The following KDM4C variants were observed in gnomAD, a reference collection of about 807,000 sequenced individuals.
KDM4C encodes the protein lysine demethylase 4C, also known as lysine-specific demethylase 4C.
In KDM4C, 81 loss-of-function variants were observed where a neutral mutation model predicts 129.3. The ratio of observed to expected loss-of-function variants is 0.63; its 90% CI spans 0.52 to 0.75. KDM4C has a LOEUF of 0.75. KDM4C is among the 30% of genes least tolerant of loss of function. The pLI is 0.00. For missense variants in KDM4C, 1,457 were observed against 1,304.0 expected (o/e 1.12, Z -1.81); for synonymous variants, 573 against 456.1 (o/e 1.26, Z -3.26).
Position 7,023,467 on chromosome 9 carries a change from G to A in KDM4C, c.2259+7538G>A, listed in dbSNP as rs796708787. ...GCTACTAGTGATCCTTTGAATTTCT[G>A]TAATATCAGCTATAATGTCTCCTTT... On this transcript the variant is annotated intron_variant, in intron 15 of 21. Transcript: ENST00000381309. Among the ~76,000 whole-genome samples the A allele has an allele frequency of 2.0e-5, 3 of 152,042 alleles. No homozygotes were observed. In the South Asian group the frequency reaches 6.2e-4, roughly 31 times the overall value.
chr9:7,008,551 C>T (rs1475162009), intron 12 of KDM4C, among the ~76,000 whole-genome samples: 1 of 152,168 alleles, frequency 6.6e-6, no homozygotes, highest in Non-Finnish European at 1.5e-5. Context: ...CCTAGTGAAC[C>T]CTGGGTACAG....
intron 6 of KDM4C, 69 bp from the exon 7 acceptor site, chr9:6,887,891 A>G (rs1845532604): frequency 2.1e-6 from 2 of 941,136 alleles, no homozygotes; most frequent in African/African-American, 1.6e-5. Flanking sequence ...GAACTTACAC[A>G]TTAAAAAACC....
In KDM4C at chr9:7,059,392, C is replaced by T. The variant is rs149745040; in HGVS notation, c.2424+10192C>T. Among the ~76,000 whole-genome samples, 12 of 152,284 alleles carry T rather than the reference C, an allele frequency of 7.9e-5. No individual in the cohort carries two copies. In the East Asian group the frequency reaches 1.4e-3, roughly 17 times the overall value. ...AGCTGGGATTACAGGACTAAGCCAC[C>T]GCGCCTAGCCCTCGAGAGTATTTTC... On this transcript the variant is annotated intron_variant, in intron 17 of 21. Transcript: ENST00000381309.
intron 17 of KDM4C, among the ~76,000 whole-genome samples, chr9:7,070,430 A>G (rs6477145): frequency 0.59 from 89,596 of 151,920 alleles, 27,214 homozygotes; most frequent in South Asian, 0.68. Context: ...CTTGCAAAGG[A>G]AAACTGTAGA....
chr9:6,958,066 T>C (rs997356178), intron 8 of KDM4C, among the ~76,000 whole-genome samples: 2 of 146,106 alleles, frequency 1.4e-5, no homozygotes, highest in African/African-American at 5.0e-5. Context: ...CAACTGAGGG[T>C]TTGCTTCAGC....
Position 6,741,345 on chromosome 9 carries a change from A to G in KDM4C, c.49+20348A>G, listed in dbSNP as rs150914481. On this transcript the variant is annotated intron_variant, in intron 1 of 17. Coordinates refer to the KDM4C transcript ENST00000536108. Reference sequence around the variant, plus strand: ...GGGAGGCGGAGGTTGCAGTGGGCAGAGATTGCGACACTGCACTCCAGCCTG... The same window carrying G: ...GGGAGGCGGAGGTTGCAGTGGGCAGGGATTGCGACACTGCACTCCAGCCTG... Among the ~76,000 whole-genome samples the G allele has an allele frequency of 9.5e-3, 1,450 of 152,228 alleles. 22 individuals carry two copies. Among genetic ancestry groups the G allele is most frequent in the African/African-American group, 0.033 (1,380 of 41,542 alleles).
chr9:7,117,451 A>C (rs1172573926), intron 18 of KDM4C, among the ~76,000 whole-genome samples: 4 of 152,024 alleles, frequency 2.6e-5, no homozygotes, highest in Non-Finnish European at 5.9e-5. Flanking sequence ...AAAGTGTCCC[A>C]TCAGACGTCA....
At chr9:7,082,078 G>T (rs1037620938) in intron 17 of KDM4C, among the ~76,000 whole-genome samples, 1 of 152,140 alleles carries the variant, frequency 6.6e-6, no homozygotes. Context: ...TCAAATAAAT[G>T]CTTCTGAAAC....
chr9:6,815,588 A>G (rs1047252325), intron 4 of KDM4C, among the ~76,000 whole-genome samples: 13 of 152,148 alleles, frequency 8.5e-5, no homozygotes, highest in Non-Finnish European at 1.2e-4. Context: ...GATACCATTC[A>G]CTTAGGTTCA....
At chr9:6,933,872 T>C (rs985756081) in intron 8 of KDM4C, among the ~76,000 whole-genome samples, 2 of 148,444 alleles carry the variant, frequency 1.3e-5, no homozygotes, top group African/African-American at 4.9e-5. Context: ...TTTTTTGAGA[T>C]GGAGTCTCAC....
rs113618598 is a variant in KDM4C, at chr9:6,891,855, A to G, written c.784-1240A>G. The stretch of plus-strand genomic sequence containing the variant: ...AAATATATTTCTTCCTTAGATTTTT[A>G]TCATAAAAAAAGAAAATAGGGGCAT... On this transcript the variant is annotated intron_variant, in intron 7 of 21. Coordinates refer to ENST00000381309, the MANE Select transcript of KDM4C (RefSeq NM_015061.6). Among the ~76,000 whole-genome samples, 284 of 152,246 alleles carry G rather than the reference A, an allele frequency of 1.9e-3. 1 individual carries two copies. Among genetic ancestry groups the G allele is most frequent in the African/African-American group, 6.5e-3 (269 of 41,556 alleles).
At chr9:6,743,375 T>G (rs751910910) in intron 1 of KDM4C, among the ~76,000 whole-genome samples, 4 of 152,200 alleles carry the variant, frequency 2.6e-5, no homozygotes, top group Non-Finnish European at 5.9e-5. Flanking sequence ...GAGGCACATT[T>G]TCATTTACTG....
upstream of KDM4C, among the ~76,000 whole-genome samples, chr9:6,755,163 A>AGCTT (rs1228558159): frequency 2.6e-5 from 4 of 152,306 alleles, no homozygotes; most frequent in African/African-American, 9.6e-5. Context: ...CAAGGTCAGG[A>AGCTT]GATCAAGACT....
rs191345829 is a variant in KDM4C at position 6,935,787 on chromosome 9, T to C, written c.921+42555T>C. Among the ~76,000 whole-genome samples the C allele has an allele frequency of 5.8e-3, 878 of 152,318 alleles. 12 individuals carry two copies. Among genetic ancestry groups the C allele is most frequent in the African/African-American group, 0.02 (831 of 41,576 alleles). ...GTATGTCTTTGTAGTTTGTGTTATG[T>C]GTTGTTATTGAACAGCATTAAGTTT... On this transcript the variant is annotated intron_variant, in intron 8 of 21. Transcript: ENST00000381309.
At chr9:6,805,528 C>A (rs1020166139) in intron 2 of KDM4C, 71 bp from the exon 3 acceptor site, 1 of 956,124 alleles carries the variant, frequency 1.0e-6, no homozygotes. Flanking sequence ...TGTAGTTTAT[C>A]AGAATACTTA....
chr9:6,726,099 T>TA (rs1458755912), intron 1 of KDM4C, among the ~76,000 whole-genome samples: 1 of 151,874 alleles, frequency 6.6e-6, no homozygotes, highest in Non-Finnish European at 1.5e-5. Context: ...GCTAATTTTT[T>TA]TATATATTTA....
intron 5 of KDM4C, among the ~76,000 whole-genome samples, chr9:6,856,867 C>G (rs1176992118): frequency 1.3e-5 from 2 of 151,050 alleles, no homozygotes; most frequent in African/African-American, 4.9e-5. Flanking sequence ...ACGCCATTCT[C>G]CTGCCTCAGC....
intron 3 of KDM4C, among the ~76,000 whole-genome samples, chr9:6,807,723 C>T (rs181146199): frequency 0.074 from 10,707 of 145,628 alleles, 601 homozygotes; most frequent in East Asian, 0.26. Flanking sequence ...CCTCTCCGCC[C>T]GGCAGCCACC....
intron 5 of KDM4C, among the ~76,000 whole-genome samples, chr9:6,855,577 A>AT (rs1839669455): frequency 6.6e-6 from 1 of 151,098 alleles, no homozygotes; most frequent in African/African-American, 2.4e-5. Flanking sequence ...AGATGCTCCC[A>AT]TTGGATGTCT....
Sources: allele counts gnomAD v4.1 joint callset (sites outside exome capture counted in the v4.1 genomes callset), GRCh38; gene constraint gnomAD v4.1.1; transcripts MANE v1.5; gene names NCBI Gene and HGNC (gene_info 2026-07-23, HGNC 2026-07-21).